Variants in WDFY3 observed in about 807,000 individuals in gnomAD.
The protein encoded by WDFY3 is WD repeat and FYVE domain containing 3.
In WDFY3, 66 loss-of-function variants were observed where a neutral mutation model predicts 409.6. The ratio of observed to expected loss-of-function variants is 0.16; its 90% CI spans 0.13 to 0.20. The LOEUF (loss-of-function observed/expected upper bound fraction) is 0.20. Among genes scored for constraint, WDFY3 ranks in the 10% least tolerant of loss-of-function variants. The probability of loss-of-function intolerance (pLI) is 1.00; values close to 1 mark genes in which losing one functional copy is unlikely to be tolerated. For synonymous variants in WDFY3, 1,521 were observed against 1,537.1 expected (o/e 0.99, Z 0.25); for missense variants, 3,031 against 4,298.1 (o/e 0.71, Z 8.24).
Position 84,752,989 on chromosome 4 carries a change from T to C in WDFY3, c.5739+708A>G, listed in dbSNP as rs138685689. Among the ~76,000 whole-genome samples, 653 of 152,332 alleles carry C rather than the reference T, an allele frequency of 4.3e-3. 4 individuals are homozygous for C. Among genetic ancestry groups the C allele is most frequent in the African/African-American group, 0.015 (611 of 41,574 alleles). On this transcript the variant is annotated intron_variant, in intron 35 of 67. Transcript: ENST00000295888. ...AAAAGTCACCAATATTTATGTCAACTGAACTATTAGTTACTGTAATGAATA... is the reference window on the plus strand; with the variant it reads ...AAAAGTCACCAATATTTATGTCAACCGAACTATTAGTTACTGTAATGAATA...
At chr4:84,735,232 CAAAACAGAAAACT>C (rs1175609040) in intron 42 of WDFY3, 112 bp from the exon 43 acceptor site, 18 of 990,798 alleles carry the variant, frequency 1.8e-5, no homozygotes, top group Admixed American at 2.6e-5. Context: ...CCAAAAGCAC[CAAAACAGAAAACT>C]AAAACAAAAA....
Position 84,756,948 on chromosome 4 carries a change from C to T in WDFY3, c.5402G>A (p.Cys1801Tyr), listed in dbSNP as rs1741574781. Residue 1801 changes from cysteine (C) to tyrosine (Y), a missense_variant, in exon 33 of 68, where the codon TGC becomes TAC. Physicochemically the swap from Cys to Tyr is radical, Grantham distance 194. This residue lies in a region of WDFY3 where 342 missense variants were observed against 463.7 expected (regional missense o/e 0.74). Transcript: ENST00000295888. ...TACCTGGCAACCCTGCTTACTCCGG[C>T]AGCTGATGACAGGCACACTGACCTG... ...NLQVSVPVIS[C>Y]RSKQGCQFDL... The T allele has an allele frequency of 6.2e-7, 1 of 1,613,996 alleles. No individual in the cohort carries two copies.
intron 2 of WDFY3, among the ~76,000 whole-genome samples, chr4:84,909,095 A>G (rs1207012539): frequency 6.6e-6 from 1 of 152,064 alleles, no homozygotes; most frequent in Non-Finnish European, 1.5e-5. Flanking sequence ...TTCATAATAC[A>G]GGGATAGAGT....
chr4:84,693,053 T>A, intron 58 of WDFY3, 21 bp from the exon 59 acceptor site: 1 of 1,605,738 alleles, frequency 6.2e-7, no homozygotes. Context: ...AGAAGATGAC[T>A]CACTTTATAA....
chr4:84,868,321 CA>C (rs1197840752), intron 3 of WDFY3, among the ~76,000 whole-genome samples: 2 of 149,732 alleles, frequency 1.3e-5, no homozygotes, highest in African/African-American at 4.9e-5. Flanking sequence ...AGAATAAAGG[CA>C]AAACTCTGAG....
chr4:84,766,314 T>C lies in WDFY3; in HGVS notation c.4908A>G (p.Arg1636=). The C allele has an allele frequency of 6.2e-7, 1 of 1,602,548 alleles. No homozygotes were observed. Among genetic ancestry groups the C allele is most frequent in the Admixed American group, 1.8e-5 (1 of 57,106 alleles). ...VSANLILLRN[R]LLDILLKLIY... ...TTAGTTTTAGCAAGATATCCAGAAG[T>C]CTGTTCCTCAAAAGTATAAGATTAG... Residue 1636 remains arginine (R), a synonymous_variant, in exon 31 of 68, where the codon AGA becomes AGG. Coordinates refer to ENST00000295888, the MANE Select transcript of WDFY3 (RefSeq NM_014991.6).
intron 33 of WDFY3, 113 bp downstream of exon 33, chr4:84,756,813 A>T: frequency 8.2e-7 from 1 of 1,221,186 alleles, no homozygotes; most frequent in Non-Finnish European, 1.1e-6. Flanking sequence ...ATCAAACCTT[A>T]AATGTGGGGA....
intron 21 of WDFY3, among the ~76,000 whole-genome samples, chr4:84,791,248 G>C (rs868011351): frequency 1.1e-4 from 16 of 152,126 alleles, no homozygotes; most frequent in African/African-American, 3.1e-4. Context: ...TGCAATATCT[G>C]ACAACATAGA....
At chr4:84,936,977 T>A (rs573678373) in intron 1 of WDFY3, among the ~76,000 whole-genome samples, 2 of 151,988 alleles carry the variant, frequency 1.3e-5, no homozygotes, top group Admixed American at 1.3e-4. Flanking sequence ...TAAAGCAAAA[T>A]CACTGGCAAA....
intron 2 of WDFY3, among the ~76,000 whole-genome samples, chr4:84,926,272 C>T (rs908317243): frequency 6.8e-6 from 1 of 146,140 alleles, no homozygotes; most frequent in African/African-American, 2.5e-5. Flanking sequence ...TTTAATAAAT[C>T]AAAAGTCTAT....
At chr4:84,907,413 T>C in intron 2 of WDFY3, among the ~76,000 whole-genome samples, 1 of 152,148 alleles carries the variant, frequency 6.6e-6, no homozygotes, top group Non-Finnish European at 1.5e-5. Context: ...AGCAACCCTA[T>C]GGAGGGGTCC....
rs192608772 is a variant in WDFY3, at chr4:84,718,092, T to C, written c.7754+330A>G. Among the ~76,000 whole-genome samples, 17 of 150,300 alleles carry C rather than the reference T, an allele frequency of 1.1e-4. No homozygotes were observed. The East Asian group carries it at 2.7e-3, about 24-fold the overall frequency. ...AAAAAAAAAAAAAAAAAGAGTATTT[T>C]CTCTACAATTGTATATCTGCTATAT... On this transcript the variant is annotated intron_variant, in intron 48 of 67. Coordinates refer to ENST00000295888, the MANE Select transcript of WDFY3 (RefSeq NM_014991.6).
intron 1 of WDFY3, among the ~76,000 whole-genome samples, chr4:84,961,870 A>G (rs1360047055): frequency 1.3e-5 from 2 of 152,200 alleles, no homozygotes; most frequent in Non-Finnish European, 2.9e-5. Flanking sequence ...CCATTTAGGA[A>G]AACAATTCAG....
intron 51 of WDFY3, among the ~76,000 whole-genome samples, chr4:84,711,057 C>A (rs779789605): frequency 2.6e-5 from 4 of 152,178 alleles, no homozygotes; most frequent in Non-Finnish European, 5.9e-5. Flanking sequence ...ATTACAGAAT[C>A]TCTAGAACTT....
intron 3 of WDFY3, among the ~76,000 whole-genome samples, chr4:84,860,987 A>C (rs1760535383): frequency 2.0e-5 from 3 of 152,140 alleles, no homozygotes; most frequent in African/African-American, 7.2e-5. Flanking sequence ...GAGGCCGGTG[A>C]ATGGCTCGAG....
At chr4:84,707,248 G>A (rs556226448) in intron 53 of WDFY3, among the ~76,000 whole-genome samples, 38 of 152,156 alleles carry the variant, frequency 2.5e-4, no homozygotes, top group African/African-American at 8.9e-4. Flanking sequence ...ATTTTAAACA[G>A]GGGGATGACT....
chr4:84,834,724 C>A (rs1284425129), intron 7 of WDFY3, among the ~76,000 whole-genome samples: 1 of 152,154 alleles, frequency 6.6e-6, no homozygotes, highest in Non-Finnish European at 1.5e-5. Flanking sequence ...AAAAGTCCAA[C>A]CAAGTGTGGC....
chr4:84,831,146 C>T (rs1177897594), intron 8 of WDFY3, among the ~76,000 whole-genome samples: 2 of 144,138 alleles, frequency 1.4e-5, no homozygotes. Flanking sequence ...AAGATCGCGC[C>T]ACTGCACTCC....
intron 33 of WDFY3, among the ~76,000 whole-genome samples, chr4:84,755,852 G>A (rs1741346646): frequency 6.6e-6 from 1 of 152,060 alleles, no homozygotes; most frequent in South Asian, 2.1e-4. Context: ...CTTATTAATA[G>A]CAGTTTTATA....
Sources: gnomAD v4.1 joint callset for allele counts (sites outside exome capture counted in the v4.1 genomes callset) on GRCh38, gnomAD v4.1.1 for gene constraint, gnomAD v4.1.1 regional missense constraint, MANE v1.5 for transcripts, NCBI Gene and HGNC (gene_info 2026-07-23, HGNC 2026-07-21) for gene names.